Variants in AFF2 observed in about 807,000 individuals in gnomAD.
The protein encoded by AFF2 is AF4/FMR2 family member 2.
In AFF2, 14 loss-of-function variants were observed where a neutral mutation model predicts 76.9. That is an observed-to-expected ratio of 0.18 (90% CI 0.12 to 0.28). AFF2 has a LOEUF of 0.28. Among genes scored for constraint, AFF2 ranks in the 10% least tolerant of loss-of-function variants. The probability of loss-of-function intolerance (pLI) is 1.00; values close to 1 mark genes in which losing one functional copy is unlikely to be tolerated. For synonymous variants in AFF2, 398 were observed against 366.7 expected, an observed-to-expected ratio of 1.09 and a Z score of -0.98; for missense variants, 868 against 1,001.1, an observed-to-expected ratio of 0.87 and a Z score of 1.79.
At chrX:148,907,591 G>A (rs1227704294) in intron 9 of AFF2, among the ~76,000 whole-genome samples, 1 of 111,368 alleles carries the variant, frequency 9.0e-6, no homozygotes, top group Non-Finnish European at 1.9e-5. Flanking sequence ...GTTTCTATTA[G>A]TGATTTTCAA....
chrX:148,742,010 C>G (rs1248347095), intron 3 of AFF2, among the ~76,000 whole-genome samples: 4 of 111,808 alleles, frequency 3.6e-5, no homozygotes, highest in Non-Finnish European at 7.5e-5. Flanking sequence ...TCTCCCGGGT[C>G]CTGCAGGAGC....
Position 148,762,508 on chromosome X carries a change from G to GTGTGTGTGTGTA in AFF2, c.1042-47367_1042-47366insGTGTGTGTGTAT, listed in dbSNP as rs782356186. On this transcript the variant is annotated intron_variant, in intron 3 of 20. Transcript: ENST00000370460. ...TGTGTGTGTGTGTGTGTGTGTGTGT[G>GTGTGTGTGTGTA]TATATAACATTTTCATTATGCATTC... 1.3e-3 allele frequency among the ~76,000 whole-genome samples: 134 copies of GTGTGTGTGTGTA among 106,423 alleles called. 1 individual carries two copies. The highest frequency in any genetic ancestry group is 4.6e-3 in the African/African-American group (128 of 27,620). 92.4% of individuals were successfully genotyped at this position (106,423 alleles called of 115,157 possible).
intron 1 of AFF2, among the ~76,000 whole-genome samples, chrX:148,533,962 C>T (rs1490699396): frequency 9.0e-6 from 1 of 111,264 alleles, no homozygotes; most frequent in Non-Finnish European, 1.9e-5. Flanking sequence ...CTCACTAAGT[C>T]CTCTCGTTTT....
intron 4 of AFF2, among the ~76,000 whole-genome samples, chrX:148,824,439 A>G (rs1476964316): frequency 2.7e-5 from 3 of 112,219 alleles, no homozygotes; most frequent in South Asian, 7.3e-4. Flanking sequence ...AAAGGTAGCT[A>G]TGTGAGTTGG....
chrX:148,979,195 T>G (rs949341258), intron 18 of AFF2, among the ~76,000 whole-genome samples: 5 of 111,864 alleles, frequency 4.5e-5, no homozygotes, highest in African/African-American at 1.6e-4. Context: ...TTTTTTTCTT[T>G]CTTGCCAAGT....
At chrX:148,684,557 G>A in intron 3 of AFF2, among the ~76,000 whole-genome samples, 1 of 112,145 alleles carries the variant, frequency 8.9e-6, no homozygotes, top group Non-Finnish European at 1.9e-5. Flanking sequence ...TTTCTAACCT[G>A]GGCCCTTTCT....
At chrX:148,546,503 CA>C (rs782812417) in intron 1 of AFF2, among the ~76,000 whole-genome samples, 1 of 112,426 alleles carries the variant, frequency 8.9e-6, no homozygotes, top group Admixed American at 9.4e-5. Flanking sequence ...TTTCTTTCTG[CA>C]TCACTTCCCC....
chrX:148,896,089 T>C (rs782470198), intron 8 of AFF2, among the ~76,000 whole-genome samples: 8 of 111,681 alleles, frequency 7.2e-5, no homozygotes, highest in Non-Finnish European at 1.5e-4. Context: ...GGCATAAACA[T>C]GGACTCGAGG....
intron 3 of AFF2, among the ~76,000 whole-genome samples, chrX:148,680,357 T>A (rs375086063): frequency 6.2e-5 from 7 of 112,276 alleles, no homozygotes; most frequent in African/African-American, 2.3e-4. Context: ...AGTTGTGTGA[T>A]AACAAGTTAT....
At chrX:148,827,900 T>C (rs946031139) in intron 4 of AFF2, among the ~76,000 whole-genome samples, 13 of 111,485 alleles carry the variant, frequency 1.2e-4, no homozygotes, top group African/African-American at 4.2e-4. Flanking sequence ...CCAATGAAAG[T>C]GTGTGAGTTT....
intron 1 of AFF2, among the ~76,000 whole-genome samples, chrX:148,578,165 T>A (rs1471371025): frequency 8.9e-6 from 1 of 111,910 alleles, no homozygotes; most frequent in African/African-American, 3.2e-5. Flanking sequence ...TGCTTTTAGG[T>A]TTTGGAAATT....
At chrX:148,889,310 G>A (rs1557279463) in intron 8 of AFF2, among the ~76,000 whole-genome samples, 2 of 111,215 alleles carry the variant, frequency 1.8e-5, no homozygotes, top group Non-Finnish European at 3.8e-5. Context: ...TAGCCATGCT[G>A]AGCCAGGTGA....
At chrX:148,581,531 TATATAC>T (rs2053404343) in intron 1 of AFF2, among the ~76,000 whole-genome samples, 1 of 96,242 alleles carries the variant, frequency 1.0e-5, no homozygotes, top group Middle Eastern at 6.3e-3. Flanking sequence ...TGTACACACA[TATATAC>T]GTATACGTCT....
At chrX:148,975,771 C>T (rs1204031577) in intron 16 of AFF2, among the ~76,000 whole-genome samples, 4 of 101,481 alleles carry the variant, frequency 3.9e-5, no homozygotes, top group Admixed American at 2.2e-4. Context: ...GGTGAAACCC[C>T]GTCTCTACTA....
intron 3 of AFF2, among the ~76,000 whole-genome samples, chrX:148,723,362 G>A (rs1432985976): frequency 2.7e-5 from 3 of 111,788 alleles, no homozygotes; most frequent in Non-Finnish European, 3.8e-5. Flanking sequence ...TGAGAGATAC[G>A]GAGACAAACT....
intron 7 of AFF2, among the ~76,000 whole-genome samples, chrX:148,854,602 C>T (rs1258709288): frequency 1.8e-5 from 2 of 111,097 alleles, no homozygotes; most frequent in African/African-American, 3.3e-5. Flanking sequence ...GCAGAGCAGC[C>T]GCATGACAGA....
chrX:148,500,640 C>CGCCGCCGCCGCA lies in AFF2; in HGVS notation c.-447_-446insAGCCGCCGCCGC, dbSNP rs2052328407. 1.3e-5 allele frequency: 1 copy of CGCCGCCGCCGCA among 79,700 alleles called. No individual in the cohort carries two copies. The highest frequency in any genetic ancestry group is 2.5e-5 in the Non-Finnish European group (1 of 40,129). The allele number at this position is 79,700 out of a possible 1,213,427, so 6.6% of individuals were successfully genotyped here. Reference sequence around the variant, plus strand: ...CCGCCGCCGCCTGTGCAGCCGCTGCCGCCGCCGCCGCCGCCGCCGCCGCCG... The same window carrying CGCCGCCGCCGCA: ...CCGCCGCCGCCTGTGCAGCCGCTGCCGCCGCCGCCGCAGCCGCCGCCGCCGCCGCCGCCGCCG... On this transcript the variant is annotated 5_prime_UTR_variant, in exon 1 of 21. Transcript: ENST00000370460.
intron 1 of AFF2, among the ~76,000 whole-genome samples, chrX:148,612,375 G>A (rs782449164): frequency 8.9e-6 from 1 of 111,889 alleles, no homozygotes; most frequent in South Asian, 3.7e-4. Flanking sequence ...TTCCTCCAAG[G>A]ATTTCCTCAA....
At chrX:148,843,247 C>CCT in intron 6 of AFF2, 135 bp from the exon 7 acceptor site, 2 of 436,313 alleles carry the variant, frequency 4.6e-6, no homozygotes, top group Non-Finnish European at 3.6e-6. Context: ...GGTTCCCCCC[C>CCT]TTTTTTTTTT....
Sources: gnomAD v4.1 joint callset for allele counts (sites outside exome capture counted in the v4.1 genomes callset) on GRCh38, gnomAD v4.1.1 for gene constraint, MANE v1.5 for transcripts, NCBI Gene and HGNC (gene_info 2026-07-23, HGNC 2026-07-21) for gene names.